Variants in PCSK6 observed in about 807,000 individuals in gnomAD.
The protein encoded by PCSK6 is paired basic amino acid cleaving enzyme 4.
In PCSK6, 85 loss-of-function variants were observed where a neutral mutation model predicts 123.3. That is an observed-to-expected ratio of 0.69 (90% CI 0.58 to 0.83). The LOEUF (loss-of-function observed/expected upper bound fraction) is 0.83. Among genes scored for constraint, PCSK6 ranks in the 40% least tolerant of loss-of-function variants. The pLI is 0.00. For synonymous variants in PCSK6, 508 were observed against 516.0 expected, an observed-to-expected ratio of 0.98 and a Z score of 0.21; for missense variants, 1,191 against 1,282.3, an observed-to-expected ratio of 0.93 and a Z score of 1.09.
intron 2 of PCSK6, among the ~76,000 whole-genome samples, chr15:101,435,162 C>A (rs543222057): frequency 6.6e-6 from 1 of 152,262 alleles, no homozygotes; most frequent in African/African-American, 2.4e-5. Flanking sequence ...CCTGGACACT[C>A]TGTGGAGGTC....
chr15:101,476,797 A>C (rs57924891), intron 1 of PCSK6, among the ~76,000 whole-genome samples: 6,591 of 152,294 alleles, frequency 0.043, 327 homozygotes, highest in African/African-American at 0.12. Context: ...CTAAATTTAT[A>C]AATTTATATG....
chr15:101,477,424 C>A (rs1004725060), intron 1 of PCSK6, among the ~76,000 whole-genome samples: 2 of 152,156 alleles, frequency 1.3e-5, no homozygotes, highest in African/African-American at 2.4e-5. Flanking sequence ...ATTTCAAAAT[C>A]TAAAATAATT....
chr15:101,373,505 T>A (rs2041645940), intron 11 of PCSK6, among the ~76,000 whole-genome samples: 1 of 152,172 alleles, frequency 6.6e-6, no homozygotes, highest in South Asian at 2.1e-4. Context: ...TGCAGTTAGC[T>A]CCCCACACAT....
At chr15:101,386,057 G>A (rs1162797247) in intron 9 of PCSK6, among the ~76,000 whole-genome samples, 1 of 151,176 alleles carries the variant, frequency 6.6e-6, no homozygotes, top group East Asian at 2.0e-4. Flanking sequence ...GGCTCGTTGG[G>A]ATGCAGGTGA....
In PCSK6 at chr15:101,305,550, A is replaced by G; in HGVS notation, c.2813-195T>C. 1 of 503,520 alleles carries G rather than the reference A, an allele frequency of 2.0e-6. No homozygotes were observed. The highest frequency in any genetic ancestry group is 3.6e-6 in the Non-Finnish European group (1 of 276,714). 31.2% of individuals were successfully genotyped at this position (503,520 alleles called of 1,614,324 possible). A position where few individuals can be genotyped will look rare whatever the true frequency, so the allele number is the denominator to read the frequency against. Reference sequence around the variant, plus strand: ...TGGTGAAACCCCGTCTCTACTAATAATATAAAAATTAGCTGGGCATGGTGG... The same window carrying G: ...TGGTGAAACCCCGTCTCTACTAATAGTATAAAAATTAGCTGGGCATGGTGG... On this transcript the variant is annotated intron_variant, in intron 21 of 21. Transcript: ENST00000611716. The surrounding 1 kb of genome is among the most constrained non-coding windows in gnomAD (Gnocchi z 4.8).
chr15:101,379,060 G>T (rs1008032002), intron 11 of PCSK6, among the ~76,000 whole-genome samples: 5 of 152,268 alleles, frequency 3.3e-5, no homozygotes, highest in Non-Finnish European at 4.4e-5. Flanking sequence ...TCCGCAGGGG[G>T]ACACCATGGG....
At chr15:101,339,910 A>ATAT (rs2040561284) in intron 13 of PCSK6, among the ~76,000 whole-genome samples, 1 of 146,948 alleles carries the variant, frequency 6.8e-6, no homozygotes, top group South Asian at 2.2e-4. Flanking sequence ...ACCCTTTCTC[A>ATAT]ATATATATAT....
intron 7 of PCSK6, among the ~76,000 whole-genome samples, chr15:101,397,149 G>A (rs1405193374): frequency 1.3e-5 from 2 of 152,198 alleles, no homozygotes; most frequent in Admixed American, 6.5e-5. Context: ...GGGCAGCAGG[G>A]CTAGGGGTCT....
intron 13 of PCSK6, chr15:101,346,433 GA>G (rs2040730562): frequency 6.3e-6 from 1 of 159,578 alleles, no homozygotes; most frequent in African/African-American, 2.4e-5. Flanking sequence ...GTAACAAAAA[GA>G]AAGAACAAGT....
chr15:101,441,396 G>A (rs2056750089), intron 2 of PCSK6, among the ~76,000 whole-genome samples: 1 of 152,006 alleles, frequency 6.6e-6, no homozygotes, highest in South Asian at 2.1e-4. Flanking sequence ...AGCCTGCCTT[G>A]CTCATGCACA....
chr15:101,309,509 A>G (rs1307833354), intron 20 of PCSK6, among the ~76,000 whole-genome samples: 3 of 152,236 alleles, frequency 2.0e-5, no homozygotes, highest in Admixed American at 6.5e-5. Context: ...CTGGAAGGAC[A>G]GGGATGCCGG....
intron 1 of PCSK6, among the ~76,000 whole-genome samples, chr15:101,460,817 T>C (rs1441265222): frequency 6.6e-6 from 1 of 152,066 alleles, no homozygotes; most frequent in Non-Finnish European, 1.5e-5. Flanking sequence ...GAAAACATCA[T>C]AATTGGGATA....
chr15:101,414,566 G>C, intron 6 of PCSK6, among the ~76,000 whole-genome samples: 1 of 152,162 alleles, frequency 6.6e-6, no homozygotes, highest in South Asian at 2.1e-4. Context: ...TCAGGTGAAA[G>C]AGTTAAGTAC....
At position 101,449,006 on chromosome 15, in the gene PCSK6, G is replaced by GGT. The variant is rs1283453573; in HGVS notation, c.298-5348_298-5347dup. ...GTATACACGTGTATATACGTATGCCGGTGTGTGTGTGTGCATATGTATATG... is the reference window on the plus strand; with the variant it reads ...GTATACACGTGTATATACGTATGCCGGTGTGTGTGTGTGTGCATATGTATATG... On this transcript the variant is annotated intron_variant, in intron 1 of 21. Coordinates refer to ENST00000611716, the MANE Select transcript of PCSK6 (RefSeq NM_002570.5). 4.6e-5 allele frequency among the ~76,000 whole-genome samples: 7 copies of GGT among 151,910 alleles called. No individual in the cohort carries two copies. In the South Asian group the frequency reaches 6.3e-4, roughly 14 times the overall value.
At chr15:101,446,010 C>T (rs1030935576) in intron 1 of PCSK6, among the ~76,000 whole-genome samples, 1 of 152,272 alleles carries the variant, frequency 6.6e-6, no homozygotes, top group Non-Finnish European at 1.5e-5. Context: ...TGGGTCTGGG[C>T]TGATGTCAAC....
chr15:101,419,226 CA>C (rs1290372552), intron 6 of PCSK6, among the ~76,000 whole-genome samples: 1 of 151,982 alleles, frequency 6.6e-6, no homozygotes, highest in Admixed American at 6.6e-5. Flanking sequence ...AAAACAACAG[CA>C]CCCACAGAGA....
chr15:101,489,151 G>A (rs1209704778), intron 1 of PCSK6, among the ~76,000 whole-genome samples: 1 of 140,146 alleles, frequency 7.1e-6, no homozygotes, highest in Non-Finnish European at 1.6e-5. Context: ...GCCCACGCGG[G>A]ACCCCAGTCC....
chr15:101,472,348 T>C (rs2057627318), intron 1 of PCSK6, among the ~76,000 whole-genome samples: 2 of 152,252 alleles, frequency 1.3e-5, no homozygotes, highest in Admixed American at 6.5e-5. Flanking sequence ...TTGGGCAGCA[T>C]GGCTGCTCCC....
rs1467385510 is a variant in PCSK6 at position 101,489,458 on chromosome 15, G to A, written c.213C>T (p.Thr71=). 15 of 1,142,084 alleles carry A rather than the reference G, an allele frequency of 1.3e-5. No individual in the cohort carries two copies. The highest frequency in any genetic ancestry group is 1.6e-5 in the Non-Finnish European group (15 of 929,512). The allele number at this position is 1,142,084 out of a possible 1,614,324, so 70.7% of individuals were successfully genotyped here. The change falls in exon 1 of 22, where the codon ACC becomes ACT. Residue 71 remains threonine (T), a synonymous_variant. Coordinates refer to ENST00000611716, the MANE Select transcript of PCSK6 (RefSeq NM_002570.5). ...CCAGCACTTGCACCGCCCAGTGGTTGGTGTAGACGGGGCGCGGCGGGGGCG... is the reference window on the plus strand; with the variant it reads ...CCAGCACTTGCACCGCCCAGTGGTTAGTGTAGACGGGGCGCGGCGGGGGCG... ...CSAPPPRPVY[T]NHWAVQVLGG... is the part of the protein sequence containing the mutation.
Sources: allele counts gnomAD v4.1 joint callset (sites outside exome capture counted in the v4.1 genomes callset), GRCh38; gene constraint gnomAD v4.1.1; non-coding constraint Gnocchi (gnomAD v3.1); transcripts MANE v1.5; gene names NCBI Gene and HGNC (gene_info 2026-07-23, HGNC 2026-07-21).